Variants in GALNT17 observed in about 807,000 individuals in gnomAD.
GALNT17 encodes the protein UDP-GalNAc:polypeptide N-acetylgalactosaminyltransferase-like 3.
Under a neutral mutation model 63.7 loss-of-function variants are expected in GALNT17, and 29 were observed. The observed-to-expected ratio is 0.46, with a 90% CI of 0.34 to 0.62. The LOEUF (loss-of-function observed/expected upper bound fraction) is 0.62. GALNT17 is among the 20% of genes least tolerant of loss of function. The probability of loss-of-function intolerance (pLI) is 0.01; values close to 1 mark genes in which losing one functional copy is unlikely to be tolerated. For synonymous variants in GALNT17, 305 were observed against 318.3 expected (o/e 0.96, Z 0.45); for missense variants, 603 against 799.6 (o/e 0.75, Z 2.97).
chr7:71,285,273 TA>T (rs1790853048), intron 1 of GALNT17, among the ~76,000 whole-genome samples: 3 of 152,342 alleles, frequency 2.0e-5, no homozygotes, highest in African/African-American at 7.2e-5. Context: ...TTTCTATTAA[TA>T]AAGAGAATAA....
At chr7:71,672,757 G>C (rs1225287863) in intron 8 of GALNT17, among the ~76,000 whole-genome samples, 1 of 152,066 alleles carries the variant, frequency 6.6e-6, no homozygotes, top group African/African-American at 2.4e-5. Flanking sequence ...TGCCATGTTG[G>C]CCAGGCTGCT....
chr7:71,575,402 T>C (rs1295299382), intron 6 of GALNT17, among the ~76,000 whole-genome samples: 3 of 151,948 alleles, frequency 2.0e-5, no homozygotes, highest in Admixed American at 2.0e-4. Context: ...ATTTTTTTTT[T>C]TTTTTGAGAC....
At chr7:71,326,534 A>C (rs1271336440) in intron 1 of GALNT17, among the ~76,000 whole-genome samples, 3 of 152,214 alleles carry the variant, frequency 2.0e-5, no homozygotes, top group Non-Finnish European at 4.4e-5. Flanking sequence ...TCCAACTCAA[A>C]GACGTGTTCT....
At chr7:71,206,485 A>G (rs1047447671) in intron 1 of GALNT17, among the ~76,000 whole-genome samples, 2 of 152,114 alleles carry the variant, frequency 1.3e-5, no homozygotes, top group African/African-American at 4.8e-5. Context: ...TAAATAAGTC[A>G]CATGCTACCC....
chr7:71,408,127 C>T (rs982189916), intron 3 of GALNT17, among the ~76,000 whole-genome samples: 1 of 152,054 alleles, frequency 6.6e-6, no homozygotes, highest in African/African-American at 2.4e-5. Context: ...GTGAGAACGA[C>T]CTGGGGGTGC....
At chr7:71,486,882 A>G (rs975953556) in intron 5 of GALNT17, among the ~76,000 whole-genome samples, 1 of 151,910 alleles carries the variant, frequency 6.6e-6, no homozygotes, top group African/African-American at 2.4e-5. Context: ...AACAAAAAAA[A>G]ACGCACTTCT....
intron 5 of GALNT17, among the ~76,000 whole-genome samples, chr7:71,434,790 A>G (rs1451914882): frequency 6.6e-6 from 1 of 152,206 alleles, no homozygotes; most frequent in East Asian, 1.9e-4. Flanking sequence ...CACTAATTAT[A>G]AACTCTCTGG....
intron 1 of GALNT17, among the ~76,000 whole-genome samples, chr7:71,167,129 A>G (rs1021994254): frequency 1.5e-5 from 2 of 137,236 alleles, no homozygotes; most frequent in African/African-American, 5.5e-5. Context: ...TCAAGTGATT[A>G]CCTCTCCTTG....
At chr7:71,697,150 G>C (rs1365829332) in intron 9 of GALNT17, among the ~76,000 whole-genome samples, 2 of 152,098 alleles carry the variant, frequency 1.3e-5, no homozygotes, top group African/African-American at 2.4e-5. Context: ...TGGGACCATA[G>C]AGTAAAAAGT....
intron 1 of GALNT17, among the ~76,000 whole-genome samples, chr7:71,324,558 T>TGAGGCAGGAGAATCGTTTG (rs1554353526): frequency 4.6e-5 from 7 of 152,250 alleles, no homozygotes; most frequent in African/African-American, 1.7e-4. Flanking sequence ...CTTGGGAGGT[T>TGAGGCAGGAGAATCGTTTG]GAGGCAGGAG....
intron 6 of GALNT17, among the ~76,000 whole-genome samples, chr7:71,607,559 A>G (rs969744686): frequency 1.3e-5 from 2 of 152,186 alleles, no homozygotes; most frequent in African/African-American, 4.8e-5. Context: ...CTGTTAGAAA[A>G]CATGACACGT....
intron 6 of GALNT17, among the ~76,000 whole-genome samples, chr7:71,642,278 C>A (rs1018379223): frequency 2.6e-5 from 4 of 152,050 alleles, no homozygotes; most frequent in African/African-American, 9.7e-5. Flanking sequence ...TGTGGACACT[C>A]AGCCCATTGC....
At chr7:71,397,317 C>T (rs1325464567) in intron 3 of GALNT17, among the ~76,000 whole-genome samples, 1 of 152,060 alleles carries the variant, frequency 6.6e-6, no homozygotes, top group East Asian at 1.9e-4. Flanking sequence ...AGGTACTGGA[C>T]TTAAGGCAAA....
At chr7:71,343,034 G>A (rs1259784726) in intron 2 of GALNT17, among the ~76,000 whole-genome samples, 1 of 152,196 alleles carries the variant, frequency 6.6e-6, no homozygotes, top group East Asian at 1.9e-4. Context: ...ATAAATTTGA[G>A]AGCCCATAGG....
intron 1 of GALNT17, among the ~76,000 whole-genome samples, chr7:71,208,071 G>C (rs927940089): frequency 1.3e-5 from 2 of 151,994 alleles, no homozygotes; most frequent in African/African-American, 4.8e-5. Flanking sequence ...AAGTAGCTGG[G>C]GCTACAGTCA....
At chr7:71,435,834 A>C (rs1052270906) in intron 5 of GALNT17, among the ~76,000 whole-genome samples, 1 of 151,986 alleles carries the variant, frequency 6.6e-6, no homozygotes, top group African/African-American at 2.4e-5. Flanking sequence ...CCTGGCTAAC[A>C]CAGTGAAACC....
intron 6 of GALNT17, among the ~76,000 whole-genome samples, chr7:71,573,768 A>G (rs1483499911): frequency 6.6e-6 from 1 of 152,134 alleles, no homozygotes; most frequent in African/African-American, 2.4e-5. Context: ...TGGTGCACAG[A>G]TTATTACCCA....
Position 71,330,855 on chromosome 7 carries a change from A to G in GALNT17, c.239-4695A>G, listed in dbSNP as rs553483437. The stretch of plus-strand genomic sequence containing the variant: ...AATTCCTCCTGTTTGGTGGAAATAG[A>G]CAAGGGATAGGGTAGTCAGTGAGCA... On this transcript the variant is annotated intron_variant, in intron 1 of 10. Transcript: ENST00000333538. Among the ~76,000 whole-genome samples, 25 of 152,246 alleles carry G rather than the reference A, an allele frequency of 1.6e-4. 1 individual carries two copies. The highest frequency in any genetic ancestry group is 6.0e-4 in the African/African-American group (25 of 41,546).
At chr7:71,165,829 A>G (rs534042271) in intron 1 of GALNT17, among the ~76,000 whole-genome samples, 1 of 152,306 alleles carries the variant, frequency 6.6e-6, no homozygotes, top group South Asian at 2.1e-4. Flanking sequence ...AGGTCAAGCT[A>G]GTTCCTTAGG....
Sources: gnomAD v4.1 joint callset for allele counts (sites outside exome capture counted in the v4.1 genomes callset) on GRCh38, gnomAD v4.1.1 for gene constraint, MANE v1.5 for transcripts, NCBI Gene and HGNC (gene_info 2026-07-23, HGNC 2026-07-21) for gene names.